Variants in CDK5RAP2 observed in about 807,000 individuals in gnomAD.
CDK5RAP2 encodes CDK5 regulatory subunit associated protein 2, also known as CDK5 regulatory subunit-associated protein 2.
In CDK5RAP2, 147 loss-of-function variants were observed where a neutral mutation model predicts 232.9. The observed-to-expected ratio is 0.63, with a 90% CI of 0.55 to 0.72. The LOEUF (loss-of-function observed/expected upper bound fraction) is 0.72. Among genes scored for constraint, CDK5RAP2 ranks in the 30% least tolerant of loss-of-function variants. The pLI, the probability that CDK5RAP2 is intolerant of heterozygous loss-of-function variation, is 0.00. For synonymous variants in CDK5RAP2, 833 were observed against 833.7 expected, an observed-to-expected ratio of 1.00 and a Z score of 0.01; for missense variants, 2,195 against 2,231.5, an observed-to-expected ratio of 0.98 and a Z score of 0.33.
At chr9:120,421,728 T>C (rs1200685482) in intron 26 of CDK5RAP2, among the ~76,000 whole-genome samples, 1 of 152,224 alleles carries the variant, frequency 6.6e-6, no homozygotes, top group Non-Finnish European at 1.5e-5. Flanking sequence ...ATTCCATGAT[T>C]ATTTTCTGAT....
intron 18 of CDK5RAP2, among the ~76,000 whole-genome samples, chr9:120,466,570 A>C (rs2037390885): frequency 6.6e-6 from 1 of 152,232 alleles, no homozygotes; most frequent in African/African-American, 2.4e-5. Flanking sequence ...AGGGCAAATG[A>C]ACAAACAAAA....
intron 24 of CDK5RAP2, among the ~76,000 whole-genome samples, chr9:120,438,131 C>T (rs545780368): frequency 6.6e-6 from 1 of 152,308 alleles, no homozygotes; most frequent in South Asian, 2.1e-4. Context: ...ATTTTGGATT[C>T]AAACACAATT....
chr9:120,447,188 G>T (rs986420247), intron 22 of CDK5RAP2, among the ~76,000 whole-genome samples: 21 of 152,166 alleles, frequency 1.4e-4, no homozygotes, highest in Non-Finnish European at 2.9e-4. Flanking sequence ...GCACTTTTGT[G>T]GATCATGAGC....
At chr9:120,487,587 A>G in intron 13 of CDK5RAP2, 150 bp from the exon 14 acceptor site, 1 of 643,762 alleles carries the variant, frequency 1.6e-6, no homozygotes, top group Non-Finnish European at 2.6e-6. Context: ...ATACTAGGCA[A>G]TTACAAAACT....
intron 25 of CDK5RAP2, among the ~76,000 whole-genome samples, chr9:120,428,662 A>G (rs376667238): frequency 1.9e-3 from 294 of 152,292 alleles, no homozygotes; most frequent in African/African-American, 6.7e-3. Flanking sequence ...ATTCACAGCC[A>G]AATTCTACCA....
At chr9:120,485,150 G>GCTAGTAA (rs1393012203) in intron 14 of CDK5RAP2, among the ~76,000 whole-genome samples, 2 of 152,024 alleles carry the variant, frequency 1.3e-5, no homozygotes, top group East Asian at 3.8e-4. Context: ...AAAATGCCCA[G>GCTAGTAA]CTAGTAACTT....
intron 35 of CDK5RAP2, among the ~76,000 whole-genome samples, chr9:120,395,490 G>C (rs536212142): frequency 8.5e-5 from 13 of 152,230 alleles, no homozygotes; most frequent in Non-Finnish European, 1.8e-4. Flanking sequence ...GCTCTGAGGT[G>C]ACATACATGC....
intron 10 of CDK5RAP2, among the ~76,000 whole-genome samples, chr9:120,526,208 C>T (rs1388053755): frequency 6.6e-6 from 1 of 152,180 alleles, no homozygotes; most frequent in Non-Finnish European, 1.5e-5. Context: ...CAGGACTGAG[C>T]TCTCTCCAAA....
chr9:120,494,156 TCA>T (rs144979336), intron 12 of CDK5RAP2, among the ~76,000 whole-genome samples: 2 of 149,126 alleles, frequency 1.3e-5, no homozygotes, highest in African/African-American at 2.5e-5. Flanking sequence ...GAATTCATGA[TCA>T]CACACACACA....
At chr9:120,562,045 C>T (rs2042481440) in intron 3 of CDK5RAP2, among the ~76,000 whole-genome samples, 2 of 152,202 alleles carry the variant, frequency 1.3e-5, no homozygotes, top group African/African-American at 2.4e-5. Context: ...CCTCAACACA[C>T]GCTTGTCAAA....
chr9:120,556,124 G>A (rs1027748287), intron 3 of CDK5RAP2, among the ~76,000 whole-genome samples: 6 of 152,080 alleles, frequency 3.9e-5, no homozygotes, highest in Admixed American at 2.0e-4. Flanking sequence ...ATCATTACAC[G>A]TGCCAAGAAC....
In CDK5RAP2 at chr9:120,403,264, A is replaced by C; in HGVS notation, c.5042-193T>G. The stretch of plus-strand genomic sequence containing the variant: ...TTACCCCACACTGGGCTTATGAGTC[A>C]TCTTGTAGGAGAGGCTCAAGTCAAC... On this transcript the variant is annotated intron_variant, in intron 33 of 37. Transcript: ENST00000349780. The surrounding 1 kb of genome is among the most constrained non-coding windows in gnomAD (Gnocchi z 4.2). 1.7e-6 allele frequency: 1 copy of C among 589,392 alleles called. No individual in the cohort carries two copies. The highest frequency in any genetic ancestry group is 3.0e-5 in the Admixed American group (1 of 33,454). The allele number at this position is 589,392 out of a possible 1,614,324, so 36.5% of individuals were successfully genotyped here. A position where few individuals can be genotyped will look rare whatever the true frequency, so the allele number is the denominator to read the frequency against.
chr9:120,531,982 A>T (rs148979757), intron 7 of CDK5RAP2, among the ~76,000 whole-genome samples: 1 of 152,282 alleles, frequency 6.6e-6, no homozygotes, highest in African/African-American at 2.4e-5. Flanking sequence ...TGTTGTATGT[A>T]ATTTATACAC....
chr9:120,420,589 T>C (rs554590212), intron 26 of CDK5RAP2, among the ~76,000 whole-genome samples: 1 of 150,252 alleles, frequency 6.7e-6, no homozygotes, highest in African/African-American at 2.4e-5. Flanking sequence ...ACCTAAGCCA[T>C]GAGAAAAAAA....
At chr9:120,434,688 AGAG>A (rs2131459420) in intron 25 of CDK5RAP2, among the ~76,000 whole-genome samples, 1 of 152,240 alleles carries the variant, frequency 6.6e-6, no homozygotes, top group East Asian at 1.9e-4. Context: ...CCAGGGAGGG[AGAG>A]GAGAACTGAA....
intron 21 of CDK5RAP2, among the ~76,000 whole-genome samples, chr9:120,450,413 G>C (rs2036420410): frequency 6.6e-6 from 1 of 152,120 alleles, no homozygotes; most frequent in Non-Finnish European, 1.5e-5. Context: ...CTTTTGGGAT[G>C]ATGAAAATGT....
chr9:120,391,508 T>C (rs1464148392), intron 36 of CDK5RAP2, among the ~76,000 whole-genome samples: 4 of 152,206 alleles, frequency 2.6e-5, no homozygotes, highest in Admixed American at 6.5e-5. Context: ...AGTGTTGACC[T>C]GGTGACAGGT....
In CDK5RAP2 at chr9:120,551,714, G is replaced by A. The variant is rs116336669; in HGVS notation, c.196-812C>T. On this transcript the variant is annotated intron_variant, in intron 3 of 37. Transcript: ENST00000349780. ...AAATAAAAGGAGGTTGAAGAGGCAT[G>A]ACTACTAAGTACAATAGAATCTTGA... is the stretch of plus-strand genomic sequence containing the variant. 8.7e-3 allele frequency among the ~76,000 whole-genome samples: 1,328 copies of A among 152,288 alleles called. 19 individuals are homozygous for A. The highest frequency in any genetic ancestry group is 0.03 in the African/African-American group (1,239 of 41,562).
intron 21 of CDK5RAP2, among the ~76,000 whole-genome samples, chr9:120,451,376 A>G (rs1046550198): frequency 2.6e-5 from 4 of 152,202 alleles, no homozygotes; most frequent in African/African-American, 9.6e-5. Context: ...ACACATGTAT[A>G]TCAGTAAAGT....
Sources: gnomAD v4.1 joint callset for allele counts (sites outside exome capture counted in the v4.1 genomes callset) on GRCh38, gnomAD v4.1.1 for gene constraint, Gnocchi (gnomAD v3.1) non-coding constraint, MANE v1.5 for transcripts, NCBI Gene and HGNC (gene_info 2026-07-23, HGNC 2026-07-21) for gene names.